MICU1: variants seen among roughly 807,000 people sequenced by gnomAD.
The protein encoded by MICU1 is calcium uptake protein 1, mitochondrial.
Under a neutral mutation model 56.8 loss-of-function variants are expected in MICU1, and 45 were observed. The observed-to-expected ratio is 0.79, with a 90% CI of 0.62 to 1.02. MICU1 has a LOEUF of 1.02. Ranked by LOEUF, MICU1 falls within the 50% of genes least tolerant of loss-of-function variation. The pLI is 0.00. For missense variants in MICU1, 504 were observed against 587.1 expected, an observed-to-expected ratio of 0.86 and a Z score of 1.46; for synonymous variants, 186 against 195.1, an observed-to-expected ratio of 0.95 and a Z score of 0.39.
intron 8 of MICU1, among the ~76,000 whole-genome samples, chr10:72,443,205 T>G (rs1408407067): frequency 6.6e-6 from 1 of 152,192 alleles, no homozygotes; most frequent in African/African-American, 2.4e-5. Context: ...TCGCCCACTT[T>G]TTGATGGGGT....
chr10:72,530,904 T>C (rs1839461623), intron 5 of MICU1, among the ~76,000 whole-genome samples: 1 of 152,174 alleles, frequency 6.6e-6, no homozygotes, highest in African/African-American at 2.4e-5. Context: ...TATTTGTCAA[T>C]ATCAGTTGCA....
chr10:72,594,421 A>C (rs1022965417), intron 1 of MICU1, among the ~76,000 whole-genome samples: 1 of 150,728 alleles, frequency 6.6e-6, no homozygotes, highest in African/African-American at 2.4e-5. Flanking sequence ...TGAAAGGCCT[A>C]AATGTAACAC....
rs201201892 is a variant in MICU1 at position 72,612,730 on chromosome 10, GT to G, written c.-2+13279del. Among the ~76,000 whole-genome samples, 128 of 152,074 alleles carry G rather than the reference GT, an allele frequency of 8.4e-4. 4 individuals are homozygous for G. In the East Asian group the frequency reaches 0.024, roughly 28 times the overall value. On this transcript the variant is annotated intron_variant, in intron 1 of 11. Transcript: ENST00000361114. ...GCAGGAGGACCCTTTGAGCCTAGGA[GT>G]TTGAAGCTGCAGTGAACTATGATTG...
At chr10:72,593,607 T>C (rs1206330565) in intron 1 of MICU1, among the ~76,000 whole-genome samples, 1 of 151,928 alleles carries the variant, frequency 6.6e-6, no homozygotes, top group African/African-American at 2.4e-5. Context: ...GACATGATCT[T>C]ATATGTAGAA....
intron 9 of MICU1, among the ~76,000 whole-genome samples, chr10:72,418,810 G>C (rs1864066383): frequency 6.6e-6 from 1 of 152,202 alleles, no homozygotes; most frequent in African/African-American, 2.4e-5. Flanking sequence ...GTCCTAGAGA[G>C]ATGGACTCGT....
intron 4 of MICU1, among the ~76,000 whole-genome samples, chr10:72,534,350 G>A (rs1025957206): frequency 6.6e-6 from 1 of 151,954 alleles, no homozygotes; most frequent in Non-Finnish European, 1.5e-5. Flanking sequence ...GACTATATTC[G>A]GTGGCATTGA....
chr10:72,368,880 G>A (rs1270137474), intron 11 of MICU1, among the ~76,000 whole-genome samples: 3 of 152,172 alleles, frequency 2.0e-5, no homozygotes, highest in Admixed American at 6.5e-5. Flanking sequence ...AGCAGCATAA[G>A]CATGAGTACA....
At chr10:72,578,214 C>G (rs1225419004) in intron 1 of MICU1, among the ~76,000 whole-genome samples, 4 of 152,058 alleles carry the variant, frequency 2.6e-5, no homozygotes, top group Non-Finnish European at 5.9e-5. Context: ...AGCAAAAGGA[C>G]TGTCACTTGC....
intron 8 of MICU1, among the ~76,000 whole-genome samples, chr10:72,454,612 G>A (rs1241450929): frequency 1.3e-5 from 2 of 151,114 alleles, no homozygotes; most frequent in Non-Finnish European, 2.9e-5. Flanking sequence ...GTGAAACCAC[G>A]TCTCTATTAA....
chr10:72,401,129 G>A (rs1214522498), intron 10 of MICU1, among the ~76,000 whole-genome samples: 3 of 151,970 alleles, frequency 2.0e-5, no homozygotes, highest in East Asian at 1.9e-4. Flanking sequence ...ACAAACAGAC[G>A]CTATTTTAAG....
chr10:72,527,593 G>C (rs1057141182), intron 5 of MICU1, among the ~76,000 whole-genome samples: 15 of 152,136 alleles, frequency 9.9e-5, no homozygotes, highest in Middle Eastern at 3.4e-3. Context: ...GAACTCCTGA[G>C]CTCAAGTAGC....
chr10:72,443,127 G>T (rs1486821526), intron 8 of MICU1, among the ~76,000 whole-genome samples: 1 of 152,096 alleles, frequency 6.6e-6, no homozygotes, highest in Non-Finnish European at 1.5e-5. Context: ...GGCAGTGATG[G>T]TGAGCATTTT....
chr10:72,396,235 A>T (rs1005985768), intron 10 of MICU1, among the ~76,000 whole-genome samples: 13 of 152,246 alleles, frequency 8.5e-5, no homozygotes, highest in African/African-American at 3.1e-4. Flanking sequence ...AAGGAATAGC[A>T]TCAACATCAA....
At chr10:72,382,873 C>T (rs1158769380) in intron 10 of MICU1, among the ~76,000 whole-genome samples, 2 of 152,342 alleles carry the variant, frequency 1.3e-5, no homozygotes, top group Non-Finnish European at 2.9e-5. Flanking sequence ...CACGCCACTG[C>T]ACTCCAGCCT....
At chr10:72,443,611 CATTT>C (rs1221169102) in intron 8 of MICU1, among the ~76,000 whole-genome samples, 1 of 152,150 alleles carries the variant, frequency 6.6e-6, no homozygotes, top group African/African-American at 2.4e-5. Flanking sequence ...TTCCCAGCAC[CATTT>C]ATTAAATAGG....
At chr10:72,379,463 C>T in intron 10 of MICU1, 1 of 326,284 alleles carries the variant, frequency 3.1e-6, no homozygotes, top group Non-Finnish European at 6.2e-6. Context: ...TTCACATCAA[C>T]CTTAAGCTTC....
intron 7 of MICU1, 77 bp downstream of exon 7, chr10:72,477,097 G>A: frequency 8.9e-6 from 10 of 1,122,264 alleles, no homozygotes; most frequent in Non-Finnish European, 1.3e-5. Context: ...ACTGACCAAG[G>A]CTAAGGTAAC....
chr10:72,572,482 T>A (rs1476232063), intron 1 of MICU1, among the ~76,000 whole-genome samples: 1 of 151,998 alleles, frequency 6.6e-6, no homozygotes, highest in Non-Finnish European at 1.5e-5. Context: ...AAAACCTGTT[T>A]AATAACTGTT....
At chr10:72,467,277 G>A (rs1482371158) in intron 8 of MICU1, among the ~76,000 whole-genome samples, 3 of 152,018 alleles carry the variant, frequency 2.0e-5, no homozygotes, top group East Asian at 3.9e-4. Context: ...TCCGCCTCCC[G>A]GGCTCAAGCA....
Sources: allele counts gnomAD v4.1 joint callset (sites outside exome capture counted in the v4.1 genomes callset), GRCh38; gene constraint gnomAD v4.1.1; transcripts MANE v1.5; gene names NCBI Gene and HGNC (gene_info 2026-07-23, HGNC 2026-07-21).